LLGL2: variants seen among roughly 807,000 people sequenced by gnomAD.
The protein encoded by LLGL2 is LLGL2, scribble cell polarity complex component.
LLGL2 carries 81 observed loss-of-function variants against 123.2 expected under a neutral mutation model. That is an observed-to-expected ratio of 0.66 (90% confidence interval 0.55 to 0.79). The LOEUF (loss-of-function observed/expected upper bound fraction) is 0.79. LLGL2 is among the 30% of genes least tolerant of loss of function. The pLI is 0.00. For missense variants in LLGL2, 1,273 were observed against 1,414.6 expected (o/e 0.90, Z 1.61); for synonymous variants, 577 against 594.1 (o/e 0.97, Z 0.42).
intron 1 of LLGL2, among the ~76,000 whole-genome samples, chr17:75,526,133 G>C (rs1040600649): frequency 1.3e-5 from 2 of 152,116 alleles, no homozygotes; most frequent in South Asian, 2.1e-4. Context: ...GGTGCGGGGG[G>C]CACCGCGGGC....
chr17:75,568,056 AATGCC>A, intron 10 of LLGL2: 1 of 1,063,124 alleles, frequency 9.4e-7, no homozygotes, highest in Non-Finnish European at 1.1e-6. Flanking sequence ...CAGTAAAGAA[AATGCC>A]ACCCCTAGCA....
At position 75,567,181 on chromosome 17, in the gene LLGL2, G is replaced by A. The variant is rs567028917; in HGVS notation, c.1037-1295G>A. On this transcript the variant is annotated intron_variant, in intron 10 of 25. Coordinates refer to ENST00000392550, the MANE Select transcript of LLGL2 (RefSeq NM_001031803.2). ...AAGACAAGCACTTCAAAGAGGCAGCGTCAGCCAGGGGCAGTGGCTCAGCTG... is the reference window on the plus strand; with the variant it reads ...AAGACAAGCACTTCAAAGAGGCAGCATCAGCCAGGGGCAGTGGCTCAGCTG... Among the ~76,000 whole-genome samples, 12 of 152,272 alleles carry A rather than the reference G, an allele frequency of 7.9e-5. No homozygotes were observed. In the South Asian group the frequency reaches 2.3e-3, roughly 29 times the overall value.
In LLGL2 at chr17:75,572,499, A is replaced by T. The variant is rs755343443; in HGVS notation, c.2460+435A>T. 7.7e-4 allele frequency among the ~76,000 whole-genome samples: 117 copies of T among 152,222 alleles called. 1 individual carries two copies. The highest frequency in any genetic ancestry group is 2.7e-3 in the South Asian group (13 of 4,818). ...TAACACGGTGAAACCCCGTCTCTAC[A>T]AACAAATGCAAAAAAATTAGTTAGG... On this transcript the variant is annotated intron_variant, in intron 19 of 25. Transcript: ENST00000392550.
chr17:75,552,777 G>T (rs1217227402), intron 2 of LLGL2, among the ~76,000 whole-genome samples: 1 of 152,230 alleles, frequency 6.6e-6, no homozygotes, highest in East Asian at 1.9e-4. Flanking sequence ...ATACTTGAAG[G>T]GTTTCCAAGA....
At chr17:75,543,974 T>C (rs2054312236) in intron 2 of LLGL2, among the ~76,000 whole-genome samples, 1 of 152,156 alleles carries the variant, frequency 6.6e-6, no homozygotes, top group South Asian at 2.1e-4. Context: ...GCAGCTCCCC[T>C]GCAGGCTGAA....
chr17:75,571,611 A>T, intron 17 of LLGL2, 56 bp from the exon 18 acceptor site: 1 of 1,355,324 alleles, frequency 7.4e-7, no homozygotes, highest in Non-Finnish European at 1.0e-6. Context: ...CTGGTTGCCC[A>T]GCTCCACCCG....
At chr17:75,527,980 G>A (rs2053633505) in intron 1 of LLGL2, among the ~76,000 whole-genome samples, 1 of 148,622 alleles carries the variant, frequency 6.7e-6, no homozygotes, top group East Asian at 2.0e-4. Flanking sequence ...TTAGAAAGGG[G>A]GTTTTGCCAT....
chr17:75,531,700 C>A (rs1453395962), intron 1 of LLGL2, among the ~76,000 whole-genome samples: 1 of 152,230 alleles, frequency 6.6e-6, no homozygotes, highest in East Asian at 1.9e-4. Flanking sequence ...TTGCCCTCCC[C>A]AGCCCTGGCT....
chr17:75,558,099 A>C lies in LLGL2; in HGVS notation c.174-56A>C. On this transcript the variant is annotated intron_variant, in intron 3 of 25. Transcript: ENST00000392550. This position sits in a 1 kb window ranked among gnomAD's most constrained non-coding sequence, Gnocchi z 4.0. ...CATGGGCCCCGAGGGCCTGGCACTC[A>C]AGGCAGGCAGGGGATGGTGTCCGAC... The C allele has an allele frequency of 6.5e-7, 1 of 1,536,304 alleles. No homozygotes were observed. Among genetic ancestry groups the C allele is most frequent in the Non-Finnish European group, 9.0e-7 (1 of 1,109,668 alleles).
chr17:75,558,395 G>A lies in LLGL2; in HGVS notation c.256-117G>A. On this transcript the variant is annotated intron_variant, in intron 4 of 25. Transcript: ENST00000392550. This position sits in a 1 kb window ranked among gnomAD's most constrained non-coding sequence, Gnocchi z 4.0. Reference sequence around the variant, plus strand: ...CTCCCTTTCCACAGCTGGGGCTCATGGGCCACCCTGGGAGTGGCCAGGGGG... The same window carrying A: ...CTCCCTTTCCACAGCTGGGGCTCATAGGCCACCCTGGGAGTGGCCAGGGGG... 8.7e-7 allele frequency: 1 copy of A among 1,143,550 alleles called. No homozygotes were observed. Among genetic ancestry groups the A allele is most frequent in the Non-Finnish European group, 1.2e-6 (1 of 810,126 alleles). 70.8% of individuals were successfully genotyped at this position (1,143,550 alleles called of 1,614,324 possible).
chr17:75,540,535 G>A (rs1238474460), intron 1 of LLGL2, among the ~76,000 whole-genome samples: 3 of 152,216 alleles, frequency 2.0e-5, no homozygotes. Flanking sequence ...TGTCAGCAGC[G>A]GCCAGTCCCC....
In LLGL2 at chr17:75,563,337, G is replaced by A; in HGVS notation, c.700G>A (p.Glu234Lys). 6.2e-7 allele frequency: 1 copy of A among 1,612,648 alleles called. No individual in the cohort carries two copies. The highest frequency in any genetic ancestry group is 8.5e-7 in the Non-Finnish European group (1 of 1,179,830). The change falls in exon 8 of 26, where the codon GAG becomes AAG. Residue 234 changes from glutamate to lysine, a missense_variant. Physicochemically the swap from Glu to Lys is moderately conservative, Grantham distance 56 (BLOSUM62 1). Transcript: ENST00000392550. ...LYHFLSSQQL[E>K]NIWWQRDGRL... ...CTCTCCTCTTCCTCCATAGCAACTG[G>A]AGAACATCTGGTGGCAGCGGGACGG... is the stretch of plus-strand genomic sequence containing the variant.
In LLGL2 at chr17:75,564,603, C is replaced by A; in HGVS notation, c.1036+96C>A. On this transcript the variant is annotated intron_variant, in intron 10 of 25. Transcript: ENST00000392550. This position sits in a 1 kb window ranked among gnomAD's most constrained non-coding sequence, Gnocchi z 4.9. ...CAGGGCCAGGTGCAGTGGCTCCTGC[C>A]TGTAACCCCAGTGCTGTGGGAGGCC... 6.4e-7 allele frequency: 1 copy of A among 1,562,920 alleles called. No individual in the cohort carries two copies.
Position 75,574,234 on chromosome 17 carries a change from T to C in LLGL2, c.2927T>C (p.Met976Thr). Residue 976 changes from methionine (M) to threonine (T), a missense_variant, in exon 23 of 26, where the codon ATG becomes ACG. By Grantham distance (81) the Met-to-Thr change is moderately conservative (BLOSUM62 -1). Coordinates refer to ENST00000392550, the MANE Select transcript of LLGL2 (RefSeq NM_001031803.2). ...CCAGAGAAGCAGCCCGGCCTGGTGA[T>C]GGAGCGCGCTCTGCTCAGTGATGAG... ...DGEEKQPGLV[M>T]ERALLSDERV... 7.1e-6 allele frequency: 9 copies of C among 1,269,700 alleles called. No homozygotes were observed. The highest frequency in any genetic ancestry group is 9.2e-6 in the Non-Finnish European group (9 of 982,322). 78.7% of individuals were successfully genotyped at this position (1,269,700 alleles called of 1,614,324 possible).
intron 10 of LLGL2, among the ~76,000 whole-genome samples, chr17:75,567,067 C>T (rs1040309541): frequency 1.3e-5 from 2 of 152,200 alleles, no homozygotes; most frequent in African/African-American, 4.8e-5. Context: ...CCCGGGCACC[C>T]TCAAGCCTTG....
chr17:75,568,510 T>A lies in LLGL2; in HGVS notation c.1071T>A (p.Ala357=). The A allele has an allele frequency of 6.2e-7, 1 of 1,613,460 alleles. No individual in the cohort carries two copies. ...FDDPYALVVL[A]EEELVVIDLQ... ...ACCCCTATGCCCTGGTGGTGCTGGC[T>A]GAGGAGGAGCTGGTGGTGATTGACC... is the stretch of plus-strand genomic sequence containing the variant. Residue 357 remains alanine, a synonymous_variant, in exon 11 of 26, where the codon GCT becomes GCA. Coordinates refer to ENST00000392550, the MANE Select transcript of LLGL2 (RefSeq NM_001031803.2).
At position 75,559,173 on chromosome 17, in the gene LLGL2, C is replaced by T. The variant is rs990283500; in HGVS notation, c.372-79C>T. 1.6e-5 allele frequency: 23 copies of T among 1,428,188 alleles called. No homozygotes were observed. In the South Asian group the frequency reaches 1.9e-4, roughly 12 times the overall value. 88.5% of individuals were successfully genotyped at this position (1,428,188 alleles called of 1,614,324 possible). A position where few individuals can be genotyped will look rare whatever the true frequency, so the allele number is the denominator to read the frequency against. ...TAAAGGGCCTTATGGGCTTGTTTTC[C>T]GAGGAGTCAGGGGACCCCGTCCATG... is the stretch of plus-strand genomic sequence containing the variant. On this transcript the variant is annotated intron_variant, in intron 5 of 25. Coordinates refer to ENST00000392550, the MANE Select transcript of LLGL2 (RefSeq NM_001031803.2). The surrounding 1 kb of genome is among the most constrained non-coding windows in gnomAD (Gnocchi z 4.6).
intron 12 of LLGL2, 27 bp from the exon 13 acceptor site, chr17:75,568,950 AC>A (rs1362513171): frequency 6.3e-7 from 1 of 1,599,912 alleles, no homozygotes; most frequent in East Asian, 2.2e-5. Flanking sequence ...CATCCCTCTC[AC>A]GCCTGGCAGG....
intron 1 of LLGL2, chr17:75,543,171 T>G: frequency 3.1e-4 from 92 of 298,286 alleles, no homozygotes; most frequent in Middle Eastern, 9.6e-4. Flanking sequence ...CCTACCCCCA[T>G]TATAAGGCCA....
Sources: allele counts gnomAD v4.1 joint callset (sites outside exome capture counted in the v4.1 genomes callset), GRCh38; gene constraint gnomAD v4.1.1; non-coding constraint Gnocchi (gnomAD v3.1); transcripts MANE v1.5; gene names NCBI Gene and HGNC (gene_info 2026-07-23, HGNC 2026-07-21).